Variants in ZNF385B observed in about 807,000 individuals in gnomAD.
ZNF385B encodes zinc finger protein 385B, also known as zinc finger protein 533.
In ZNF385B, 23 loss-of-function variants were observed where a neutral mutation model predicts 39.2. That is an observed-to-expected ratio of 0.59 (90% confidence interval 0.42 to 0.83). The LOEUF is 0.83. Ranked by LOEUF, ZNF385B falls within the 40% of genes least tolerant of loss-of-function variation. The pLI, the probability that ZNF385B is intolerant of heterozygous loss-of-function variation, is 0.00. For synonymous variants in ZNF385B, 205 were observed against 222.6 expected, an observed-to-expected ratio of 0.92 and a Z score of 0.70; for missense variants, 552 against 598.9, an observed-to-expected ratio of 0.92 and a Z score of 0.82.
chr2:179,721,591 A>C (rs1303751599), intron 3 of ZNF385B, among the ~76,000 whole-genome samples: 1 of 152,166 alleles, frequency 6.6e-6, no homozygotes, highest in Non-Finnish European at 1.5e-5. Flanking sequence ...CAATGGATTA[A>C]AAATTAAATA....
intron 3 of ZNF385B, among the ~76,000 whole-genome samples, chr2:179,651,915 C>G (rs530218162): frequency 6.6e-6 from 1 of 152,158 alleles, no homozygotes; most frequent in East Asian, 1.9e-4. Flanking sequence ...ATCAGGGACA[C>G]CTTTTCTCCA....
chr2:179,818,633 G>A (rs1707214847), intron 1 of ZNF385B, among the ~76,000 whole-genome samples: 1 of 152,074 alleles, frequency 6.6e-6, no homozygotes, highest in African/African-American at 2.4e-5. Flanking sequence ...TAAGTACCAC[G>A]AAGCACTGAC....
At chr2:179,835,549 G>A (rs1404292970) in intron 1 of ZNF385B, among the ~76,000 whole-genome samples, 1 of 152,116 alleles carries the variant, frequency 6.6e-6, no homozygotes, top group East Asian at 1.9e-4. Flanking sequence ...TAAGGAATAC[G>A]ACGCTTGCTA....
intron 4 of ZNF385B, chr2:179,522,952 G>T (rs138880989): frequency 2.5e-6 from 1 of 394,888 alleles, no homozygotes; most frequent in East Asian, 8.4e-5. Context: ...GCAGTCATCT[G>T]GAATTTTGAG....
chr2:179,756,144 T>C (rs1043382985), intron 3 of ZNF385B, among the ~76,000 whole-genome samples: 1 of 152,028 alleles, frequency 6.6e-6, no homozygotes, highest in Non-Finnish European at 1.5e-5. Flanking sequence ...TGTTTAGTGC[T>C]TCCTTCAGGA....
chr2:179,513,908 T>C (rs1574540039), intron 5 of ZNF385B, among the ~76,000 whole-genome samples: 2 of 152,328 alleles, frequency 1.3e-5, no homozygotes, highest in Admixed American at 1.3e-4. Flanking sequence ...GTCCTAGCTC[T>C]GCCATTTATT....
At chr2:179,812,302 A>C (rs1706785586) in intron 1 of ZNF385B, among the ~76,000 whole-genome samples, 1 of 152,280 alleles carries the variant, frequency 6.6e-6, no homozygotes, top group Admixed American at 6.5e-5. Flanking sequence ...ATCTAGCCAA[A>C]AGAAAATTAA....
chr2:179,464,163 C>T (rs1043801206), intron 6 of ZNF385B, among the ~76,000 whole-genome samples: 10 of 152,134 alleles, frequency 6.6e-5, no homozygotes. Flanking sequence ...TGAGAAGTGT[C>T]TGTTCATATC....
chr2:179,573,429 G>A lies in ZNF385B; in HGVS notation c.299-28460C>T, dbSNP rs546661778. Among the ~76,000 whole-genome samples the A allele has an allele frequency of 9.3e-4, 141 of 151,504 alleles. 2 individuals are homozygous for A. In the South Asian group the frequency reaches 0.019, roughly 20 times the overall value. ...ACTTTGTGAGGCCAGCAGCTATCAGGAAAAAAGAAAAACCAAAAAAACAAA... is the reference window on the plus strand; with the variant it reads ...ACTTTGTGAGGCCAGCAGCTATCAGAAAAAAAGAAAAACCAAAAAAACAAA... On this transcript the variant is annotated intron_variant, in intron 3 of 9. Transcript: ENST00000410066.
At chr2:179,786,768 A>G (rs560219337) in intron 1 of ZNF385B, among the ~76,000 whole-genome samples, 7 of 150,824 alleles carry the variant, frequency 4.6e-5, no homozygotes, top group African/African-American at 1.7e-4. Flanking sequence ...TTGTGCCTTC[A>G]TGTATATCCA....
At chr2:179,786,162 T>A (rs1488812416) in intron 1 of ZNF385B, among the ~76,000 whole-genome samples, 2 of 152,114 alleles carry the variant, frequency 1.3e-5, no homozygotes, top group East Asian at 3.9e-4. Context: ...AATTAAGGTA[T>A]GTACATTTTT....
At chr2:179,533,610 G>A (rs1315378759) in intron 4 of ZNF385B, among the ~76,000 whole-genome samples, 2 of 152,074 alleles carry the variant, frequency 1.3e-5, no homozygotes, top group Non-Finnish European at 2.9e-5. Context: ...ACAGGTGTGT[G>A]GGAGGGGGAG....
At chr2:179,549,474 C>T (rs1312012400) in intron 3 of ZNF385B, among the ~76,000 whole-genome samples, 1 of 149,260 alleles carries the variant, frequency 6.7e-6, no homozygotes, top group East Asian at 1.9e-4. Flanking sequence ...TTTTCCTGGC[C>T]TGCCTATACA....
At chr2:179,698,232 T>C (rs1698919099) in intron 3 of ZNF385B, among the ~76,000 whole-genome samples, 1 of 151,498 alleles carries the variant, frequency 6.6e-6, no homozygotes, top group South Asian at 2.1e-4. Context: ...ATACAAAAGA[T>C]AGTTTTTAGT....
At chr2:179,800,579 CTAT>C (rs1705965234) in intron 1 of ZNF385B, among the ~76,000 whole-genome samples, 1 of 151,920 alleles carries the variant, frequency 6.6e-6, no homozygotes, top group African/African-American at 2.4e-5. Flanking sequence ...TTGCAGTTGC[CTAT>C]TATTTTCTTC....
intron 3 of ZNF385B, among the ~76,000 whole-genome samples, chr2:179,569,446 G>A (rs1684963456): frequency 6.6e-6 from 1 of 152,172 alleles, no homozygotes; most frequent in African/African-American, 2.4e-5. Flanking sequence ...TATATCATGT[G>A]GGAAATCATG....
intron 3 of ZNF385B, among the ~76,000 whole-genome samples, chr2:179,564,155 G>A (rs1234020640): frequency 2.0e-5 from 3 of 152,112 alleles, no homozygotes; most frequent in Non-Finnish European, 2.9e-5. Flanking sequence ...ATAAACACTG[G>A]GGATGGGGCC....
chr2:179,625,659 G>T (rs1006019917), intron 3 of ZNF385B, among the ~76,000 whole-genome samples: 1 of 151,986 alleles, frequency 6.6e-6, no homozygotes, highest in East Asian at 1.9e-4. Context: ...AGATCCCTAA[G>T]GCAAAGTCCC....
intron 3 of ZNF385B, among the ~76,000 whole-genome samples, chr2:179,725,914 A>G (rs561539343): frequency 0.18 from 23,904 of 136,370 alleles, 2,027 homozygotes; most frequent in African/African-American, 0.26. Context: ...GTGTGTGTAT[A>G]TATATATATA....
Sources: allele counts gnomAD v4.1 joint callset (sites outside exome capture counted in the v4.1 genomes callset), GRCh38; gene constraint gnomAD v4.1.1; transcripts MANE v1.5; gene names NCBI Gene and HGNC (gene_info 2026-07-23, HGNC 2026-07-21).